TCF25: variants seen among roughly 807,000 people sequenced by gnomAD.
TCF25 encodes TCF25 ribosome quality control complex subunit.
TCF25 carries 41 observed loss-of-function variants against 83.1 expected under a neutral mutation model. The ratio of observed to expected loss-of-function variants is 0.49; its 90% CI spans 0.38 to 0.64. The LOEUF (loss-of-function observed/expected upper bound fraction) is 0.64, where lower values mean the gene tolerates loss of function less well. TCF25 is among the 30% of genes least tolerant of loss of function. TCF25 has a pLI of 0.00. For missense variants in TCF25, 979 were observed against 914.5 expected, an observed-to-expected ratio of 1.07 and a Z score of -0.91; for synonymous variants, 458 against 365.0, an observed-to-expected ratio of 1.25 and a Z score of -2.90.
chr16:89,904,299 G>T, intron 13 of TCF25, 94 bp downstream of exon 13: 1 of 1,365,344 alleles, frequency 7.3e-7, no homozygotes. Flanking sequence ...TGAGGGACCT[G>T]CTTCCAGCAG....
chr16:89,878,615 T>C (rs2042369606), intron 1 of TCF25: 1 of 1,138,270 alleles, frequency 8.8e-7, no homozygotes, highest in Non-Finnish European at 1.1e-6. Flanking sequence ...CTAATGAAAA[T>C]CACAGCTTTT....
intron 1 of TCF25, among the ~76,000 whole-genome samples, chr16:89,881,468 T>C (rs2042600564): frequency 6.6e-6 from 1 of 152,128 alleles, no homozygotes; most frequent in Non-Finnish European, 1.5e-5. Context: ...AATTTAGAGC[T>C]AGAGTCTTGC....
chr16:89,893,972 C>G (rs1567716332), intron 7 of TCF25, 114 bp downstream of exon 7: 11 of 1,445,434 alleles, frequency 7.6e-6, no homozygotes, highest in Non-Finnish European at 9.3e-6. Flanking sequence ...CCCTTCCCAA[C>G]AGGAAGGGTG....
intron 2 of TCF25, 68 bp from the exon 3 acceptor site, chr16:89,884,511 TTGC>T (rs2042837205): frequency 1.3e-6 from 2 of 1,542,650 alleles, no homozygotes; most frequent in East Asian, 4.5e-5. Flanking sequence ...GGAGTCACGC[TTGC>T]TGCTTTAATT....
chr16:89,875,514 T>G (rs978414861), intron 1 of TCF25, among the ~76,000 whole-genome samples: 4 of 41,470 alleles, frequency 9.6e-5, no homozygotes, highest in African/African-American at 3.3e-4. Context: ...CTGACGTGAG[T>G]TTTTTTTTTT....
intron 4 of TCF25, among the ~76,000 whole-genome samples, chr16:89,886,559 T>C (rs935247493): frequency 6.6e-6 from 1 of 151,850 alleles, no homozygotes; most frequent in Non-Finnish European, 1.5e-5. Flanking sequence ...GGTCAGGAGT[T>C]TGAGACCAGC....
chr16:89,880,321 C>T (rs1485155438), intron 1 of TCF25, among the ~76,000 whole-genome samples: 8 of 152,230 alleles, frequency 5.3e-5, no homozygotes, highest in African/African-American at 1.2e-4. Flanking sequence ...CGGTGGCTCA[C>T]GCCTGTAATC....
Position 89,906,227 on chromosome 16 carries a change from T to C in TCF25, c.1662T>C (p.Asn554=). 1 of 1,613,412 alleles carries C rather than the reference T, an allele frequency of 6.2e-7. No individual in the cohort carries two copies. Among genetic ancestry groups the C allele is most frequent in the Non-Finnish European group, 8.5e-7 (1 of 1,179,986 alleles). Residue 554 remains asparagine, a synonymous_variant, in exon 15 of 18, where the codon AAT becomes AAC. Coordinates refer to ENST00000263346, the MANE Select transcript of TCF25 (RefSeq NM_014972.3). ...RKVLYQRAPR[N]IHRHVILSEI... is the part of the protein sequence containing the mutation. Reference sequence around the variant, plus strand: ...TGCTCTACCAGCGTGCACCCAGGAATATCCACCGCCATGTGATCCTCTCTG... The same window carrying C: ...TGCTCTACCAGCGTGCACCCAGGAACATCCACCGCCATGTGATCCTCTCTG...
At chr16:89,887,258 A>G (rs2043086173) in intron 4 of TCF25, among the ~76,000 whole-genome samples, 1 of 151,874 alleles carries the variant, frequency 6.6e-6, no homozygotes, top group African/African-American at 2.4e-5. Context: ...GGTCTTACAG[A>G]TGCTTAATGA....
At chr16:89,876,927 T>TAAAAAA (rs71137687) in intron 1 of TCF25, among the ~76,000 whole-genome samples, 2 of 68,012 alleles carry the variant, frequency 2.9e-5, no homozygotes, top group Non-Finnish European at 5.2e-5. Context: ...AGACTCCATC[T>TAAAAAA]AAAAAAAAAA....
chr16:89,884,561 A>G (rs1400361071), intron 2 of TCF25, 21 bp from the exon 3 acceptor site: 2 of 1,610,868 alleles, frequency 1.2e-6, no homozygotes, highest in Admixed American at 1.7e-5. Context: ...TCTACTGATG[A>G]AAATGTGTTT....
chr16:89,904,250 C>A (rs539293719), intron 13 of TCF25, 45 bp downstream of exon 13: 2 of 1,545,730 alleles, frequency 1.3e-6, no homozygotes, highest in African/African-American at 1.4e-5. Flanking sequence ...CCTGTGGGTT[C>A]GGAGCCTGGG....
At position 89,900,646 on chromosome 16, in the gene TCF25, C is replaced by G. The variant is rs768139683; in HGVS notation, c.1233C>G (p.Asn411Lys). The G allele has an allele frequency of 8.2e-6, 13 of 1,592,570 alleles. No homozygotes were observed. Among genetic ancestry groups the G allele is most frequent in the Non-Finnish European group, 1.1e-5 (13 of 1,161,946 alleles). Residue 411 changes from asparagine (N) to lysine (K), a missense_variant, in exon 12 of 18, where the codon AAC becomes AAG. By Grantham distance (94) the Asn-to-Lys change is moderately conservative (BLOSUM62 0). Transcript: ENST00000263346. ...TTCGTCCCTCGTAGGCTCATCGGAA[C>G]CTGTCCCAGCTCCCTAATTTTGCCT... ...RLFQEWEAHR[N>K]LSQLPNFAFS...
At chr16:89,890,291 C>G (rs1040524494) in intron 5 of TCF25, 2 of 152,326 alleles carry the variant, frequency 1.3e-5, no homozygotes, top group African/African-American at 4.8e-5. Flanking sequence ...ATGTTGGCTA[C>G]AGTCCCCGGT....
rs2044581049 is a variant in TCF25 at position 89,904,179 on chromosome 16, C to G, written c.1443C>G (p.Arg481=). ...VRPDASVSSH[R]FFGPNAEISQ... is the part of the protein sequence containing the mutation. ...CCGACGCCAGCGTTTCCAGTCACCG[C>G]TTCTTTGGACCCAATGCTGAAATAA... Residue 481 remains arginine, a synonymous_variant, in exon 13 of 18, where the codon CGC becomes CGG. Transcript: ENST00000263346. 1 of 1,593,756 alleles carries G rather than the reference C, an allele frequency of 6.3e-7. No individual in the cohort carries two copies. The highest frequency in any genetic ancestry group is 8.5e-7 in the Non-Finnish European group (1 of 1,169,844).
intron 1 of TCF25, among the ~76,000 whole-genome samples, chr16:89,874,331 C>G (rs1377400987): frequency 8.3e-6 from 1 of 120,052 alleles, no homozygotes; most frequent in Non-Finnish European, 1.7e-5. Context: ...GGTGGCGAGG[C>G]GATGGCGTGG....
intron 1 of TCF25, among the ~76,000 whole-genome samples, chr16:89,876,742 C>A (rs1032358269): frequency 6.6e-6 from 1 of 151,782 alleles, no homozygotes; most frequent in East Asian, 1.9e-4. Flanking sequence ...CTGGCTAACA[C>A]GGTGAAACCC....
chr16:89,885,729 G>C, intron 3 of TCF25, 119 bp from the exon 4 acceptor site: 1 of 833,068 alleles, frequency 1.2e-6, no homozygotes, highest in Non-Finnish European at 2.0e-6. Flanking sequence ...GACTTATGCT[G>C]TCCTTTAGGA....
At chr16:89,903,431 G>A (rs1459762249) in intron 12 of TCF25, among the ~76,000 whole-genome samples, 1 of 152,260 alleles carries the variant, frequency 6.6e-6, no homozygotes, top group African/African-American at 2.4e-5. Flanking sequence ...AGCACTTTGG[G>A]AGGCCGAGGC....
Sources: gnomAD v4.1 joint callset for allele counts (sites outside exome capture counted in the v4.1 genomes callset) on GRCh38, gnomAD v4.1.1 for gene constraint, MANE v1.5 for transcripts, NCBI Gene and HGNC (gene_info 2026-07-23, HGNC 2026-07-21) for gene names.